The following NOSTRIN variants were observed in gnomAD, a reference collection of about 807,000 sequenced individuals.
The protein encoded by NOSTRIN is BM247 homolog.
In NOSTRIN, 63 loss-of-function variants were observed where a neutral mutation model predicts 59.0. The ratio of observed to expected loss-of-function variants is 1.07; its 90% CI spans 0.87 to 1.32. The LOEUF (loss-of-function observed/expected upper bound fraction) is 1.32, where lower values mean the gene tolerates loss of function less well. Ranked by LOEUF, NOSTRIN falls within the 40% of genes most tolerant of loss-of-function variation. The pLI, the probability that NOSTRIN is intolerant of heterozygous loss-of-function variation, is 0.00. For missense variants in NOSTRIN, 512 were observed against 473.1 expected (o/e 1.08, Z -0.76); for synonymous variants, 200 against 165.4 (o/e 1.21, Z -1.61).
upstream of NOSTRIN, among the ~76,000 whole-genome samples, chr2:168,801,499 A>G (rs147594735): frequency 4.1e-3 from 627 of 152,262 alleles, 7 homozygotes; most frequent in African/African-American, 0.014. Context: ...CTTGGATTAC[A>G]TGCATGAGCC....
Position 168,851,394 on chromosome 2 carries a change from C to T in NOSTRIN, c.845C>T (p.Thr282Met), listed in dbSNP as rs770457250. ...STENKSEFLLTDYFEEDPNSA... is the reference protein window; with the variant it reads ...STENKSEFLLMDYFEEDPNSA... ...GAAAACAAATCTGAGTTCCTGTTAA[C>T]GGATTACTTTGTGAGTATGAAATGG... The change falls in exon 10 of 16, where the codon ACG becomes ATG. Residue 282 changes from threonine (T) to methionine (M), a missense_variant. Coordinates refer to ENST00000317647, the MANE Select transcript of NOSTRIN (RefSeq NM_001039724.4). 18 of 1,610,490 alleles carry T rather than the reference C, an allele frequency of 1.1e-5. No individual in the cohort carries two copies. The highest frequency in any genetic ancestry group is 6.7e-5 in the East Asian group (3 of 44,866).
At chr2:168,795,698 T>C (rs1418283001), upstream of NOSTRIN, among the ~76,000 whole-genome samples, 1 of 152,246 alleles carries the variant, frequency 6.6e-6, no homozygotes, top group African/African-American at 2.4e-5. Flanking sequence ...TGGGCTCAGA[T>C]TTAAAAATTA....
intron 15 of NOSTRIN, chr2:168,863,394 A>AAAAG (rs1689606069): frequency 2.0e-6 from 2 of 983,894 alleles, no homozygotes; most frequent in African/African-American, 1.7e-5. Flanking sequence ...GTTGCTGAGG[A>AAAAG]AAAGAGTGAA....
chr2:168,848,244 T>A (rs13029623), intron 8 of NOSTRIN, among the ~76,000 whole-genome samples: 16,462 of 152,328 alleles, frequency 0.11, 956 homozygotes, highest in Non-Finnish European at 0.13. Flanking sequence ...GGCTATTCTG[T>A]GTCTTTAATC....
intron 2 of NOSTRIN, among the ~76,000 whole-genome samples, chr2:168,823,831 C>A (rs1248243980): frequency 6.6e-6 from 1 of 152,184 alleles, no homozygotes; most frequent in African/African-American, 2.4e-5. Flanking sequence ...AATCCCAGCA[C>A]TTTGGGAGGC....
intron 7 of NOSTRIN, among the ~76,000 whole-genome samples, chr2:168,842,258 C>T (rs1250582429): frequency 1.3e-5 from 2 of 152,108 alleles, no homozygotes; most frequent in African/African-American, 4.8e-5. Context: ...AGAAGAAGGT[C>T]AGAGAGAAAC....
chr2:168,826,452 CCCTT>C, intron 3 of NOSTRIN, among the ~76,000 whole-genome samples: 2 of 150,944 alleles, frequency 1.3e-5, no homozygotes, highest in African/African-American at 4.9e-5. Flanking sequence ...TCTCTTCCCT[CCCTT>C]CCTCCCTTGC....
chr2:168,862,902 A>C (rs1689557573), intron 15 of NOSTRIN, among the ~76,000 whole-genome samples: 1 of 152,218 alleles, frequency 6.6e-6, no homozygotes. Context: ...GCCAATGGAA[A>C]ATCAAGATAC....
chr2:168,805,323 G>T (rs1432823887), intron 1 of NOSTRIN, among the ~76,000 whole-genome samples: 1 of 152,126 alleles, frequency 6.6e-6, no homozygotes, highest in Non-Finnish European at 1.5e-5. Flanking sequence ...ATTTGAAAAA[G>T]ATATCTGTAA....
intron 2 of NOSTRIN, among the ~76,000 whole-genome samples, chr2:168,817,444 T>C (rs1428054621): frequency 6.6e-6 from 1 of 152,244 alleles, no homozygotes; most frequent in African/African-American, 2.4e-5. Flanking sequence ...TTCCTCCTCA[T>C]TCCTTCTCCC....
chr2:168,790,196 C>A (rs3914920), intron 2 of NOSTRIN, among the ~76,000 whole-genome samples: 103,949 of 152,082 alleles, frequency 0.68, 36,143 homozygotes, highest in East Asian at 0.97. Flanking sequence ...GCAATAATAA[C>A]ATGCTATGGC....
At chr2:168,788,655 G>A (rs1208193913) in intron 2 of NOSTRIN, among the ~76,000 whole-genome samples, 1 of 152,174 alleles carries the variant, frequency 6.6e-6, no homozygotes, top group Non-Finnish European at 1.5e-5. Context: ...TTACATAGGG[G>A]AGGATTGATC....
At chr2:168,817,297 T>G (rs1218513397) in intron 2 of NOSTRIN, among the ~76,000 whole-genome samples, 2 of 152,158 alleles carry the variant, frequency 1.3e-5, no homozygotes, top group Non-Finnish European at 2.9e-5. Flanking sequence ...TGCAGAGTCT[T>G]AGGGTCCTCT....
chr2:168,860,561 C>T (rs1056815379), intron 13 of NOSTRIN, among the ~76,000 whole-genome samples: 11 of 151,706 alleles, frequency 7.3e-5, no homozygotes, highest in Non-Finnish European at 1.3e-4. Flanking sequence ...ATCCCAGCTA[C>T]GGGGGAGGCT....
chr2:168,839,107 C>T (rs1266426308), intron 7 of NOSTRIN, among the ~76,000 whole-genome samples: 1 of 152,072 alleles, frequency 6.6e-6, no homozygotes, highest in East Asian at 1.9e-4. Context: ...TTCATGTGGC[C>T]TGTAAGACCC....
chr2:168,853,241 C>T (rs1688878633), intron 10 of NOSTRIN, among the ~76,000 whole-genome samples: 1 of 152,080 alleles, frequency 6.6e-6, no homozygotes, highest in Non-Finnish European at 1.5e-5. Flanking sequence ...GGCAAAGCAC[C>T]CCAATGTCTG....
At chr2:168,831,114 A>C (rs1179303871) in intron 5 of NOSTRIN, among the ~76,000 whole-genome samples, 1 of 152,192 alleles carries the variant, frequency 6.6e-6, no homozygotes, top group Non-Finnish European at 1.5e-5. Context: ...CTTATAAATA[A>C]TAGGAATTTA....
chr2:168,841,656 A>G (rs1434217002), intron 7 of NOSTRIN, among the ~76,000 whole-genome samples: 1 of 152,184 alleles, frequency 6.6e-6, no homozygotes, highest in Non-Finnish European at 1.5e-5. Flanking sequence ...GCAGTGTGCC[A>G]TTTGCCTTAT....
upstream of NOSTRIN, chr2:168,802,524 T>C: frequency 1.4e-6 from 1 of 734,582 alleles, no homozygotes; most frequent in Non-Finnish European, 2.4e-6. Context: ...TTGGAATGTT[T>C]GACAAGGACT....
Sources: gnomAD v4.1 joint callset for allele counts (sites outside exome capture counted in the v4.1 genomes callset) on GRCh38, gnomAD v4.1.1 for gene constraint, MANE v1.5 for transcripts, NCBI Gene and HGNC (gene_info 2026-07-23, HGNC 2026-07-21) for gene names.